CTNNA3: variants seen among roughly 807,000 people sequenced by gnomAD.
CTNNA3 encodes catenin alpha 3.
In CTNNA3, 76 loss-of-function variants were observed where a neutral mutation model predicts 95.7. That is an observed-to-expected ratio of 0.79 (90% CI 0.66 to 0.96). CTNNA3 has a LOEUF of 0.96. Ranked by LOEUF, CTNNA3 falls within the 40% of genes least tolerant of loss-of-function variation. The probability of loss-of-function intolerance (pLI) is 0.00; values close to 1 mark genes in which losing one functional copy is unlikely to be tolerated. For missense variants in CTNNA3, 1,191 were observed against 1,089.8 expected, an observed-to-expected ratio of 1.09 and a Z score of -1.31; for synonymous variants, 431 against 374.4, an observed-to-expected ratio of 1.15 and a Z score of -1.74.
In CTNNA3 at chr10:66,718,139, CT is replaced by C. The variant is rs5785781; in HGVS notation, c.1281+48124del. 8.0e-5 allele frequency among the ~76,000 whole-genome samples: 12 copies of C among 149,864 alleles called. No homozygotes were observed. The South Asian group carries it at 1.5e-3, about 18-fold the overall frequency. ...TAAAAGTACTTTCACCTGTATTAAC[CT>C]TTTTTTTTTCTGTTACTCATCATAG... On this transcript the variant is annotated intron_variant, in intron 9 of 17. Transcript: ENST00000433211.
chr10:66,239,882 C>A (rs145760397), intron 13 of CTNNA3, among the ~76,000 whole-genome samples: 2 of 151,716 alleles, frequency 1.3e-5, no homozygotes, highest in African/African-American at 2.4e-5. Flanking sequence ...AATTCCTCTG[C>A]CCACTATTCT....
intron 16 of CTNNA3, among the ~76,000 whole-genome samples, chr10:65,972,409 T>G (rs1197488772): frequency 2.0e-5 from 3 of 152,136 alleles, no homozygotes; most frequent in Admixed American, 2.0e-4. Flanking sequence ...ATTTCTTTGC[T>G]GTTGATATGA....
At chr10:66,224,356 C>G (rs1210112497) in intron 13 of CTNNA3, among the ~76,000 whole-genome samples, 1 of 152,180 alleles carries the variant, frequency 6.6e-6, no homozygotes, top group African/African-American at 2.4e-5. Flanking sequence ...TAATGCCTGA[C>G]ACATTTTATA....
intron 5 of CTNNA3, among the ~76,000 whole-genome samples, chr10:67,250,372 C>T (rs1381413391): frequency 2.6e-5 from 4 of 152,098 alleles, no homozygotes; most frequent in African/African-American, 7.2e-5. Flanking sequence ...CCTGCCACCA[C>T]GTCTGGCTAA....
At chr10:66,166,810 G>C (rs2085155674) in intron 13 of CTNNA3, among the ~76,000 whole-genome samples, 1 of 152,130 alleles carries the variant, frequency 6.6e-6, no homozygotes, top group Non-Finnish European at 1.5e-5. Flanking sequence ...TGATCAGTTA[G>C]TATGATGGCA....
intron 13 of CTNNA3, among the ~76,000 whole-genome samples, chr10:66,209,842 T>C (rs1206836735): frequency 6.6e-6 from 1 of 152,162 alleles, no homozygotes; most frequent in Admixed American, 6.6e-5. Flanking sequence ...GTGTAGTAGC[T>C]CGTATTTATG....
intron 5 of CTNNA3, among the ~76,000 whole-genome samples, chr10:67,450,928 C>T (rs907582156): frequency 2.6e-4 from 39 of 151,752 alleles, no homozygotes; most frequent in African/African-American, 7.3e-4. Context: ...GATGGCCTTT[C>T]GAGACTTAGA....
intron 6 of CTNNA3, among the ~76,000 whole-genome samples, chr10:67,188,856 T>C (rs1862987815): frequency 6.6e-6 from 1 of 152,096 alleles, no homozygotes; most frequent in African/African-American, 2.4e-5. Flanking sequence ...ATGCCTATAA[T>C]TGCAACATTT....
At chr10:67,062,968 GT>G (rs1003203724) in intron 7 of CTNNA3, among the ~76,000 whole-genome samples, 1 of 151,730 alleles carries the variant, frequency 6.6e-6, no homozygotes, top group Non-Finnish European at 1.5e-5. Flanking sequence ...AGAGTTAATC[GT>G]TTTGTTTTTT....
intron 10 of CTNNA3, among the ~76,000 whole-genome samples, chr10:66,620,686 C>T (rs1017741558): frequency 1.3e-5 from 2 of 152,180 alleles, no homozygotes; most frequent in African/African-American, 2.4e-5. Context: ...GAGATCTCAG[C>T]TGCAGGTCCT....
At chr10:67,260,848 CT>C (rs1478671877) in intron 5 of CTNNA3, among the ~76,000 whole-genome samples, 1 of 152,042 alleles carries the variant, frequency 6.6e-6, no homozygotes. Flanking sequence ...CCACACCCGG[CT>C]AATTTTTTTA....
chr10:66,991,920 C>T (rs1428545868), intron 7 of CTNNA3, among the ~76,000 whole-genome samples: 1 of 152,144 alleles, frequency 6.6e-6, no homozygotes, highest in East Asian at 1.9e-4. Flanking sequence ...TTCACCACTC[C>T]TGTTGGCCAT....
chr10:67,109,038 C>T (rs1175731018), intron 7 of CTNNA3, among the ~76,000 whole-genome samples: 1 of 151,988 alleles, frequency 6.6e-6, no homozygotes, highest in Non-Finnish European at 1.5e-5. Flanking sequence ...TAAAAATGTC[C>T]ATTAAAATGC....
At chr10:66,932,224 G>A (rs1298689743) in intron 7 of CTNNA3, among the ~76,000 whole-genome samples, 1 of 152,198 alleles carries the variant, frequency 6.6e-6, no homozygotes, top group Non-Finnish European at 1.5e-5. Context: ...TTCTGGGGAA[G>A]GATAATGCAG....
chr10:66,128,581 A>T (rs866162790), intron 13 of CTNNA3, among the ~76,000 whole-genome samples: 1 of 152,210 alleles, frequency 6.6e-6, no homozygotes, highest in African/African-American at 2.4e-5. Context: ...TTCCAACTAT[A>T]TGACATTCTG....
chr10:66,191,112 A>G (rs933919630), intron 13 of CTNNA3, among the ~76,000 whole-genome samples: 1 of 152,158 alleles, frequency 6.6e-6, no homozygotes, highest in Non-Finnish European at 1.5e-5. Flanking sequence ...GAGCATTTTG[A>G]CACTAACAAA....
At chr10:66,905,201 T>C (rs183362147) in intron 7 of CTNNA3, among the ~76,000 whole-genome samples, 1 of 152,250 alleles carries the variant, frequency 6.6e-6, no homozygotes, top group Admixed American at 6.5e-5. Flanking sequence ...ATAAGAAAGA[T>C]GAGTGCATGT....
Position 67,237,135 on chromosome 10 carries a change from T to TACACC in CTNNA3, c.580-17266_580-17265insGGTGT, listed in dbSNP as rs1865514010. On this transcript the variant is annotated intron_variant, in intron 5 of 17. Transcript: ENST00000433211. The stretch of plus-strand genomic sequence containing the variant: ...AGAAACTATGGTGTATGTATATATA[T>TACACC]ATATATATATATATATATATATATA... Among the ~76,000 whole-genome samples the TACACC allele has an allele frequency of 1.1e-3, 51 of 46,234 alleles. 4 individuals carry two copies. In the East Asian group the frequency reaches 0.03, roughly 27 times the overall value. 30.3% of individuals were successfully genotyped at this position (46,234 alleles called of 152,430 possible).
chr10:67,496,012 T>C (rs1839011120), intron 5 of CTNNA3, among the ~76,000 whole-genome samples: 1 of 152,192 alleles, frequency 6.6e-6, no homozygotes, highest in Admixed American at 6.5e-5. Context: ...CTCTAAAAGT[T>C]CCTGTTATTA....
Sources: gnomAD v4.1 joint callset for allele counts (sites outside exome capture counted in the v4.1 genomes callset) on GRCh38, gnomAD v4.1.1 for gene constraint, MANE v1.5 for transcripts, NCBI Gene and HGNC (gene_info 2026-07-23, HGNC 2026-07-21) for gene names.